Variants in DGKB observed in about 807,000 individuals in gnomAD.
DGKB encodes the protein diacylglycerol kinase beta.
DGKB carries 67 observed loss-of-function variants against 114.3 expected under a neutral mutation model. The ratio of observed to expected loss-of-function variants is 0.59; its 90% confidence interval spans 0.48 to 0.72. The LOEUF is 0.72. DGKB is among the 30% of genes least tolerant of loss of function. The probability of loss-of-function intolerance (pLI) is 0.00; values close to 1 mark genes in which losing one functional copy is unlikely to be tolerated. For missense variants in DGKB, 907 were observed against 975.2 expected (o/e 0.93, Z 0.93); for synonymous variants, 398 against 323.1 (o/e 1.23, Z -2.49).
chr7:14,494,057 C>A (rs994340235), intron 20 of DGKB, among the ~76,000 whole-genome samples: 2 of 151,806 alleles, frequency 1.3e-5, no homozygotes, highest in Non-Finnish European at 1.5e-5. Context: ...GGCCAAAATG[C>A]TCCACGTTAT....
At chr7:14,374,756 C>A (rs1245743274) in intron 21 of DGKB, among the ~76,000 whole-genome samples, 1 of 152,078 alleles carries the variant, frequency 6.6e-6, no homozygotes, top group Non-Finnish European at 1.5e-5. Context: ...TGGGCAGATA[C>A]CTCTTTGTTA....
intron 21 of DGKB, among the ~76,000 whole-genome samples, chr7:14,457,772 A>G (rs914559061): frequency 2.0e-5 from 3 of 152,224 alleles, no homozygotes; most frequent in Admixed American, 1.3e-4. Context: ...CAGATTGCTA[A>G]CATTTTAGCA....
Position 14,146,751 on chromosome 7 carries a change from G to A in DGKB, c.*2380C>T, listed in dbSNP as rs984251451. 1 of 152,080 alleles carries A rather than the reference G, an allele frequency of 6.6e-6. No homozygotes were observed. The highest frequency in any genetic ancestry group is 2.4e-5 in the African/African-American group (1 of 41,510). 9.4% of individuals were successfully genotyped at this position (152,080 alleles called of 1,614,324 possible). On this transcript the variant is annotated 3_prime_UTR_variant, in exon 26 of 26. Coordinates refer to ENST00000402815, the MANE Select transcript of DGKB (RefSeq NM_001350709.2). Reference sequence around the variant, plus strand: ...GATTCCTATTTGAACATTTATTATGGGTACCAAAGAATCCATCTGACTGAA... The same window carrying A: ...GATTCCTATTTGAACATTTATTATGAGTACCAAAGAATCCATCTGACTGAA...
intron 2 of DGKB, among the ~76,000 whole-genome samples, chr7:14,765,252 T>C (rs1292345446): frequency 6.6e-6 from 1 of 152,006 alleles, no homozygotes; most frequent in African/African-American, 2.4e-5. Flanking sequence ...GAAAATCCTT[T>C]AAGCTGCTCT....
chr7:14,648,542 G>T (rs1813678018), intron 13 of DGKB, among the ~76,000 whole-genome samples: 1 of 151,996 alleles, frequency 6.6e-6, no homozygotes, highest in African/African-American at 2.4e-5. Context: ...ACAAAGATGG[G>T]GAAAAAACAG....
intron 20 of DGKB, among the ~76,000 whole-genome samples, chr7:14,550,003 A>C (rs963982347): frequency 1.8e-4 from 28 of 151,980 alleles, no homozygotes; most frequent in Non-Finnish European, 1.5e-5. Context: ...AAAACAAAAA[A>C]CTTTAGCCAT....
At chr7:14,663,638 C>T (rs570549157) in intron 13 of DGKB, among the ~76,000 whole-genome samples, 1 of 144,402 alleles carries the variant, frequency 6.9e-6, no homozygotes, top group African/African-American at 2.5e-5. Flanking sequence ...CCCTTCCTCC[C>T]TTCCTTCCTT....
chr7:14,735,554 A>C (rs1266121971), intron 5 of DGKB, among the ~76,000 whole-genome samples: 1 of 152,234 alleles, frequency 6.6e-6, no homozygotes, highest in East Asian at 1.9e-4. Flanking sequence ...GCTACCCATA[A>C]TGAGAGAATC....
intron 20 of DGKB, among the ~76,000 whole-genome samples, chr7:14,555,942 C>A (rs1302225414): frequency 6.6e-6 from 1 of 152,206 alleles, no homozygotes; most frequent in Non-Finnish European, 1.5e-5. Context: ...AAATGGGCAA[C>A]CAGCAGCCCT....
At chr7:14,722,342 A>C (rs1306569754) in intron 5 of DGKB, among the ~76,000 whole-genome samples, 1 of 152,166 alleles carries the variant, frequency 6.6e-6, no homozygotes, top group Non-Finnish European at 1.5e-5. Flanking sequence ...AGCTGAAATC[A>C]TACAGACTGG....
At chr7:14,336,989 T>C (rs1810792486) in intron 23 of DGKB, among the ~76,000 whole-genome samples, 1 of 152,174 alleles carries the variant, frequency 6.6e-6, no homozygotes, top group African/African-American at 2.4e-5. Context: ...TTTGTATATA[T>C]TATTTAGTGA....
intron 2 of DGKB, among the ~76,000 whole-genome samples, chr7:14,800,338 G>C (rs1841991964): frequency 1.3e-5 from 2 of 152,204 alleles, no homozygotes; most frequent in Non-Finnish European, 2.9e-5. Context: ...GTCTGTGAGG[G>C]TGTTGACAAA....
intron 1 of DGKB, among the ~76,000 whole-genome samples, chr7:14,845,258 G>T (rs1005023209): frequency 1.1e-4 from 17 of 152,020 alleles, no homozygotes; most frequent in African/African-American, 4.1e-4. Context: ...ATGTATCAAG[G>T]CTCACCTGGT....
chr7:14,349,221 T>A (rs1388338641), intron 21 of DGKB, among the ~76,000 whole-genome samples: 1 of 152,052 alleles, frequency 6.6e-6, no homozygotes, highest in Non-Finnish European at 1.5e-5. Context: ...CAATAGGAAC[T>A]GGTGATATTT....
At chr7:14,262,023 T>A (rs1796852814) in intron 23 of DGKB, among the ~76,000 whole-genome samples, 1 of 152,108 alleles carries the variant, frequency 6.6e-6, no homozygotes, top group Non-Finnish European at 1.5e-5. Flanking sequence ...GAATCCTGGG[T>A]TGTGTGGTGA....
chr7:14,603,997 C>G (rs1047183409), intron 17 of DGKB, among the ~76,000 whole-genome samples: 3 of 152,082 alleles, frequency 2.0e-5, no homozygotes, highest in Non-Finnish European at 4.4e-5. Flanking sequence ...GCTATACATA[C>G]TTATTTTAAT....
intron 17 of DGKB, among the ~76,000 whole-genome samples, chr7:14,606,127 C>G (rs1432142593): frequency 6.6e-6 from 1 of 151,986 alleles, no homozygotes. Flanking sequence ...TTTTTGAAGT[C>G]CAGAGAATAT....
chr7:14,940,091 G>A (rs1159422068), intron 1 of DGKB, among the ~76,000 whole-genome samples: 1 of 152,040 alleles, frequency 6.6e-6, no homozygotes, highest in African/African-American at 2.4e-5. Flanking sequence ...TCCACACTAA[G>A]CCTCAACCTG....
intron 20 of DGKB, among the ~76,000 whole-genome samples, chr7:14,533,643 GA>G (rs1791959186): frequency 6.6e-6 from 1 of 151,776 alleles, no homozygotes; most frequent in Admixed American, 6.6e-5. Flanking sequence ...ATTAAATTGT[GA>G]AAAGGCAAAG....
Sources: allele counts gnomAD v4.1 joint callset (sites outside exome capture counted in the v4.1 genomes callset), GRCh38; gene constraint gnomAD v4.1.1; transcripts MANE v1.5; gene names NCBI Gene and HGNC (gene_info 2026-07-23, HGNC 2026-07-21).